Variants in PLEKHM1 observed in about 807,000 individuals in gnomAD.
PLEKHM1 encodes the protein pleckstrin homology domain-containing family M member 1.
PLEKHM1 carries 28 observed loss-of-function variants against 94.3 expected under a neutral mutation model. The observed-to-expected ratio is 0.30, with a 90% confidence interval of 0.22 to 0.41. PLEKHM1 has a LOEUF of 0.41. PLEKHM1 is among the 10% of genes least tolerant of loss of function. PLEKHM1 has a pLI of 1.00. For missense variants in PLEKHM1, 907 were observed against 1,358.6 expected, an observed-to-expected ratio of 0.67 and a Z score of 5.22; for synonymous variants, 424 against 581.2, an observed-to-expected ratio of 0.73 and a Z score of 3.89.
intron 2 of PLEKHM1, among the ~76,000 whole-genome samples, chr17:45,479,939 G>A (rs1567804781): frequency 6.6e-6 from 1 of 152,216 alleles, no homozygotes; most frequent in Non-Finnish European, 1.5e-5. Flanking sequence ...GAAAAGGACT[G>A]GAAGGGATTA....
chr17:45,458,707 G>A (rs1392218717), intron 5 of PLEKHM1, among the ~76,000 whole-genome samples: 1 of 151,894 alleles, frequency 6.6e-6, no homozygotes, highest in Non-Finnish European at 1.5e-5. Context: ...CTGACTTCAG[G>A]TGAGCCACCC....
In PLEKHM1 at chr17:45,445,795, C is replaced by T; in HGVS notation, c.2644-132G>A. On this transcript the variant is annotated intron_variant, in intron 8 of 11. Transcript: ENST00000430334. The surrounding 1 kb of genome is among the most constrained non-coding windows in gnomAD (Gnocchi z 4.2). ...TTTTACAGATGGGGAAACTGAGGCT[C>T]AAGGAGATGAAGAGATTTGGCTAGG... 1.4e-6 allele frequency: 1 copy of T among 693,348 alleles called. No individual in the cohort carries two copies. The highest frequency in any genetic ancestry group is 2.6e-6 in the Non-Finnish European group (1 of 387,604). The allele number at this position is 693,348 out of a possible 1,614,324, so 42.9% of individuals were successfully genotyped here.
chr17:45,474,780 G>A (rs1235097166), intron 4 of PLEKHM1, among the ~76,000 whole-genome samples: 1 of 152,126 alleles, frequency 6.6e-6, no homozygotes, highest in African/African-American at 2.4e-5. Flanking sequence ...CAATCCTCCT[G>A]TATCAGCCTC....
At chr17:45,484,378 T>G (rs1282164859) in intron 1 of PLEKHM1, among the ~76,000 whole-genome samples, 1 of 152,234 alleles carries the variant, frequency 6.6e-6, no homozygotes, top group African/African-American at 2.4e-5. Context: ...ACATGAACCT[T>G]GGCTTTCACA....
At position 45,475,832 on chromosome 17, in the gene PLEKHM1, C is replaced by T. The variant is rs191498232; in HGVS notation, c.297-106G>A. The T allele has an allele frequency of 2.4e-4, 285 of 1,202,308 alleles. 3 individuals carry two copies. The Middle Eastern group carries it at 3.8e-3, about 16-fold the overall frequency. The allele number at this position is 1,202,308 out of a possible 1,614,324, so 74.5% of individuals were successfully genotyped here. A position where few individuals can be genotyped will look rare whatever the true frequency, so the allele number is the denominator to read the frequency against. ...CAGGAATAACTACTGCAAATAGATA[C>T]AGGCATGAAAAAATATTGGGTAATA... On this transcript the variant is annotated intron_variant, in intron 3 of 11. Transcript: ENST00000430334.
At chr17:45,449,866 C>T (rs531468074) in intron 8 of PLEKHM1, among the ~76,000 whole-genome samples, 183 of 150,736 alleles carry the variant, frequency 1.2e-3, no homozygotes, top group African/African-American at 4.4e-3. Flanking sequence ...ATTCACCTAC[C>T]TACCTATCCA....
At chr17:45,480,151 T>G (rs182854312) in intron 2 of PLEKHM1, among the ~76,000 whole-genome samples, 37 of 152,304 alleles carry the variant, frequency 2.4e-4, no homozygotes, top group Admixed American at 2.1e-3. Flanking sequence ...TTCTAGTATA[T>G]TCACACAATT....
At position 45,471,359 on chromosome 17, in the gene PLEKHM1, T is replaced by C. The variant is rs1359129290; in HGVS notation, c.924-2766A>G. On this transcript the variant is annotated intron_variant, in intron 4 of 11. Transcript: ENST00000430334. ...ATATTAGTGGGTGGGGGATGTAAAA[T>C]GATGCAACTACTGCAGAAAACAATT... Among the ~76,000 whole-genome samples the C allele has an allele frequency of 5.7e-5, 8 of 140,304 alleles. No homozygotes were observed. The South Asian group carries it at 1.7e-3, about 29-fold the overall frequency. 92.0% of individuals were successfully genotyped at this position (140,304 alleles called of 152,430 possible). A position where few individuals can be genotyped will look rare whatever the true frequency, so the allele number is the denominator to read the frequency against.
intron 4 of PLEKHM1, among the ~76,000 whole-genome samples, chr17:45,474,062 A>AT (rs55806341): frequency 7.6e-4 from 108 of 142,742 alleles, no homozygotes; most frequent in Middle Eastern, 3.6e-3. Flanking sequence ...TTATTTATTT[A>AT]TTTTTTTTTT....
intron 1 of PLEKHM1, among the ~76,000 whole-genome samples, chr17:45,484,469 C>T (rs1002307836): frequency 2.0e-5 from 3 of 152,194 alleles, no homozygotes; most frequent in Non-Finnish European, 4.4e-5. Flanking sequence ...CAGCCAATTG[C>T]CAATCAGGAA....
chr17:45,455,454 G>A (rs1489541218), intron 6 of PLEKHM1, among the ~76,000 whole-genome samples: 2 of 151,750 alleles, frequency 1.3e-5, no homozygotes, highest in Admixed American at 1.3e-4. Flanking sequence ...CCTGGACCTT[G>A]TTCTTGAAAT....
intron 5 of PLEKHM1, chr17:45,459,517 C>T (rs967743176): frequency 1.3e-5 from 2 of 150,986 alleles, no homozygotes; most frequent in African/African-American, 4.9e-5. Flanking sequence ...TTGGCTTATC[C>T]ACTCCTCGGC....
downstream of PLEKHM1, among the ~76,000 whole-genome samples, chr17:45,434,910 A>G (rs555776583): frequency 3.7e-4 from 53 of 143,188 alleles, no homozygotes; most frequent in African/African-American, 1.2e-3. Flanking sequence ...TGGAGGTTGC[A>G]GTGAGCCAAG....
Position 45,475,508 on chromosome 17 carries a change from G to A in PLEKHM1, c.515C>T (p.Thr172Met), listed in dbSNP as rs577278828. ...GTAGGAGAGTTCGAAGGACAAGGACGTGAGGCCCTGCAGGAAGCTAAGGAG... is the reference window on the plus strand; with the variant it reads ...GTAGGAGAGTTCGAAGGACAAGGACATGAGGCCCTGCAGGAAGCTAAGGAG... ...EFLLSFLQGL[T>M]SLSFELSYKS... Residue 172 changes from threonine to methionine, a missense_variant, in exon 4 of 12, where the codon ACG (threonine) becomes ATG (methionine). Thr to Met is a moderately conservative substitution (Grantham distance 81, BLOSUM62 -1). Around this residue, in one of 3 missense-constraint regions of PLEKHM1, gnomAD observed 176 missense variants for 306.0 expected, o/e 0.58. Transcript: ENST00000430334. 21 of 1,611,750 alleles carry A rather than the reference G, an allele frequency of 1.3e-5. No homozygotes were observed. The highest frequency in any genetic ancestry group is 1.5e-5 in the Non-Finnish European group (18 of 1,178,048).
At chr17:45,462,888 C>A (rs2051195353) in intron 5 of PLEKHM1, among the ~76,000 whole-genome samples, 1 of 151,970 alleles carries the variant, frequency 6.6e-6, no homozygotes, top group Non-Finnish European at 1.5e-5. Flanking sequence ...TTGAGACCAG[C>A]CTGGCCAACA....
rs759581707 is a variant in PLEKHM1 at position 45,477,797 on chromosome 17, C to T, written c.296+103G>A. 2.3e-4 allele frequency: 308 copies of T among 1,353,612 alleles called. No individual in the cohort carries two copies. The Middle Eastern group carries it at 5.2e-3, about 23-fold the overall frequency. The allele number at this position is 1,353,612 out of a possible 1,614,324, so 83.9% of individuals were successfully genotyped here. On this transcript the variant is annotated intron_variant, in intron 3 of 11. Coordinates refer to ENST00000430334, the MANE Select transcript of PLEKHM1 (RefSeq NM_014798.3). ...CTCACCCTCTCTCTATGCTAGAACA[C>T]AGGGCACCTCTGTTGGCTTCCTGAA... is the stretch of plus-strand genomic sequence containing the variant.
rs1243256642 is a variant in PLEKHM1, at chr17:45,482,970, G to A, written c.-41-445C>T. On this transcript the variant is annotated intron_variant, in intron 1 of 11. Coordinates refer to ENST00000430334, the MANE Select transcript of PLEKHM1 (RefSeq NM_014798.3). ...GGCTCACACATCACATTCAGGGGCTGGGTCCTGCAACACCCTGCCCCCACC... is the reference window on the plus strand; with the variant it reads ...GGCTCACACATCACATTCAGGGGCTAGGTCCTGCAACACCCTGCCCCCACC... Among the ~76,000 whole-genome samples, 9 of 151,964 alleles carry A rather than the reference G, an allele frequency of 5.9e-5. No individual in the cohort carries two copies. In the East Asian group the frequency reaches 1.7e-3, roughly 29 times the overall value.
At chr17:45,474,654 G>GT (rs1475370397) in intron 4 of PLEKHM1, among the ~76,000 whole-genome samples, 2 of 152,126 alleles carry the variant, frequency 1.3e-5, no homozygotes, top group Admixed American at 6.6e-5. Context: ...TAAGTATCTT[G>GT]TTTTTTTGTT....
chr17:45,454,110 C>A lies in PLEKHM1; in HGVS notation c.1742G>T (p.Arg581Leu). The change falls in exon 7 of 12, where the codon CGC becomes CTC. Residue 581 changes from arginine (R) to leucine (L), a missense_variant. Transcript: ENST00000430334. ...HTCVENCSLL[R>L]CESVGPAHSD... ...ATGGGCTGGCCCCACAGACTCACAGCGAAGCAGCGAGCAGTTCTCCACACA... is the reference window on the plus strand; with the variant it reads ...ATGGGCTGGCCCCACAGACTCACAGAGAAGCAGCGAGCAGTTCTCCACACA... The A allele has an allele frequency of 1.9e-6, 3 of 1,614,204 alleles. No individual in the cohort carries two copies. The highest frequency in any genetic ancestry group is 2.5e-6 in the Non-Finnish European group (3 of 1,180,048).
Sources: gnomAD v4.1 joint callset for allele counts (sites outside exome capture counted in the v4.1 genomes callset) on GRCh38, gnomAD v4.1.1 for gene constraint, gnomAD v4.1.1 regional missense constraint, Gnocchi (gnomAD v3.1) non-coding constraint, MANE v1.5 for transcripts, NCBI Gene and HGNC (gene_info 2026-07-23, HGNC 2026-07-21) for gene names.